PCDHA2: variants seen among roughly 807,000 people sequenced by gnomAD.
PCDHA2 encodes the protein protocadherin alpha 2.
Under a neutral mutation model 66.0 loss-of-function variants are expected in PCDHA2, and 58 were observed. That is an observed-to-expected ratio of 0.88 (90% CI 0.71 to 1.09). The LOEUF (loss-of-function observed/expected upper bound fraction) is 1.09. Among genes scored for constraint, PCDHA2 ranks in the 50% least tolerant of loss-of-function variants. The pLI is 0.00. For missense variants in PCDHA2, 1,267 were observed against 1,242.3 expected, an observed-to-expected ratio of 1.02 and a Z score of -0.30; for synonymous variants, 634 against 554.0, an observed-to-expected ratio of 1.14 and a Z score of -2.03.
At chr5:140,850,158 G>T (rs1189332521) in intron 1 of PCDHA2, 3 of 1,595,230 alleles carry the variant, frequency 1.9e-6, no homozygotes, top group African/African-American at 2.7e-5. Flanking sequence ...GCAGGTGTTC[G>T]TGCTGGACGA....
rs2150350021 is a variant in PCDHA2 at position 140,843,009 on chromosome 5, C to G, written c.2388+45657C>G. The G allele has an allele frequency of 1.9e-6, 3 of 1,595,058 alleles. 1 individual carries two copies. Among genetic ancestry groups the G allele is most frequent in the Non-Finnish European group, 2.6e-6 (3 of 1,165,480 alleles). Reference sequence around the variant, plus strand: ...GTGCTGGACGAGAATGACAACGCGCCGGCACTGCTGGAGCCTCGGGTGGGT... The same window carrying G: ...GTGCTGGACGAGAATGACAACGCGCGGGCACTGCTGGAGCCTCGGGTGGGT... On this transcript the variant is annotated intron_variant, in intron 1 of 3. Coordinates refer to ENST00000526136, the MANE Select transcript of PCDHA2 (RefSeq NM_018905.3).
chr5:141,007,683 A>G (rs576789056), intron 3 of PCDHA2, among the ~76,000 whole-genome samples: 1 of 152,268 alleles, frequency 6.6e-6, no homozygotes, highest in African/African-American at 2.4e-5. Context: ...AAGTTATCCT[A>G]CTTCCACCTC....
intron 1 of PCDHA2, chr5:140,868,931 G>C: frequency 9.2e-7 from 1 of 1,092,440 alleles, no homozygotes; most frequent in Non-Finnish European, 1.3e-6. Context: ...TCATTTAAAG[G>C]TTGGTCTGAA....
At chr5:140,921,379 T>C (rs1186418255) in intron 1 of PCDHA2, among the ~76,000 whole-genome samples, 1 of 152,180 alleles carries the variant, frequency 6.6e-6, no homozygotes, top group Non-Finnish European at 1.5e-5. Context: ...TTTCTACATA[T>C]TTGATAAACA....
At chr5:140,822,462 C>A in intron 1 of PCDHA2, 1 of 1,613,516 alleles carries the variant, frequency 6.2e-7, no homozygotes, top group South Asian at 1.1e-5. Flanking sequence ...AGTTGTTGAT[C>A]AATGTATTGG....
In PCDHA2 at chr5:140,850,578, G is replaced by A. The variant is rs1554144523; in HGVS notation, c.2388+53226G>A. ...CACGGGCCCCGAGGTGACGCTGGTG[G>A]ATGTCAACGTGTACCTGATCATCGC... On this transcript the variant is annotated intron_variant, in intron 1 of 3. Transcript: ENST00000526136. 1.4e-5 allele frequency: 23 copies of A among 1,598,460 alleles called. 2 individuals carry two copies. Among genetic ancestry groups the A allele is most frequent in the Non-Finnish European group, 2.0e-5 (23 of 1,167,876 alleles).
At chr5:140,817,338 C>T (rs1289238109) in intron 1 of PCDHA2, 1 of 152,250 alleles carries the variant, frequency 6.6e-6, no homozygotes, top group Non-Finnish European at 1.5e-5. Flanking sequence ...TTTACACTTG[C>T]TTGGAGCCCA....
At chr5:140,869,722 G>C in intron 1 of PCDHA2, 6 of 1,613,324 alleles carry the variant, frequency 3.7e-6, no homozygotes, top group Non-Finnish European at 5.1e-6. Context: ...GAAAACTCCG[G>C]AACTTAATTT....
chr5:141,000,421 A>T (rs4912737), intron 3 of PCDHA2, among the ~76,000 whole-genome samples: 2,503 of 28,048 alleles, frequency 0.089, 337 homozygotes, highest in East Asian at 0.098. Flanking sequence ...ATATATATAT[A>T]TTTTTTTTTT....
At chr5:140,863,300 C>G (rs1554158081) in intron 1 of PCDHA2, 16 of 1,463,970 alleles carry the variant, frequency 1.1e-5, no homozygotes, top group Non-Finnish European at 1.5e-5. Context: ...CTGATCATCG[C>G]CATCTGCGTG....
intron 1 of PCDHA2, among the ~76,000 whole-genome samples, chr5:140,910,787 T>G (rs566298433): frequency 2.0e-5 from 3 of 152,196 alleles, no homozygotes; most frequent in Non-Finnish European, 4.4e-5. Flanking sequence ...CAACATTAAA[T>G]GCAGAATCCC....
At position 140,927,248 on chromosome 5, in the gene PCDHA2, A is replaced by T. The variant is rs572200211; in HGVS notation, c.2389-51701A>T. On this transcript the variant is annotated intron_variant, in intron 1 of 3. Transcript: ENST00000526136. The stretch of plus-strand genomic sequence containing the variant: ...CGGATTCACGTCCTGGACACCAATG[A>T]CAACTCACCTCTCTTTCCTGCCGGC... 3.5e-5 allele frequency: 56 copies of T among 1,614,064 alleles called. No homozygotes were observed. The South Asian group carries it at 5.7e-4, about 16-fold the overall frequency.
intron 1 of PCDHA2, chr5:140,823,932 G>A (rs782682917): frequency 2.5e-6 from 4 of 1,613,862 alleles, no homozygotes; most frequent in South Asian, 2.2e-5. Flanking sequence ...TGTACACCGC[G>A]CTGCGGTGCT....
At chr5:140,944,166 G>A (rs1483002893) in intron 1 of PCDHA2, among the ~76,000 whole-genome samples, 1 of 152,024 alleles carries the variant, frequency 6.6e-6, no homozygotes, top group Non-Finnish European at 1.5e-5. Context: ...AAAGGGCCAA[G>A]GCTGGTTTTT....
intron 1 of PCDHA2, among the ~76,000 whole-genome samples, chr5:140,920,659 C>T (rs1325541731): frequency 1.3e-5 from 2 of 152,098 alleles, no homozygotes; most frequent in East Asian, 3.9e-4. Flanking sequence ...TCCTTGCCAA[C>T]ATGGTGAAAC....
chr5:140,853,510 A>T, intron 1 of PCDHA2: 1 of 977,306 alleles, frequency 1.0e-6, no homozygotes, highest in Non-Finnish European at 1.2e-6. Context: ...TGAAACAATA[A>T]TGAAGCTCCT....
chr5:140,848,477 A>G (rs1473834306), intron 1 of PCDHA2: 1 of 1,563,760 alleles, frequency 6.4e-7, no homozygotes, highest in Non-Finnish European at 8.7e-7. Context: ...ACTAATTAGA[A>G]GAAGACTGAG....
chr5:140,884,247 CG>C (rs1220799816), intron 1 of PCDHA2: 1 of 1,613,280 alleles, frequency 6.2e-7, no homozygotes, highest in Non-Finnish European at 8.5e-7. Flanking sequence ...CCCGCGCTGA[CG>C]GCCACGGCAA....
chr5:140,997,958 G>A (rs890356748), intron 3 of PCDHA2, among the ~76,000 whole-genome samples: 3 of 152,126 alleles, frequency 2.0e-5, no homozygotes, highest in Non-Finnish European at 2.9e-5. Context: ...TGGCATTCAC[G>A]TACCTGTGGT....
Sources: gnomAD v4.1 joint callset for allele counts (sites outside exome capture counted in the v4.1 genomes callset) on GRCh38, gnomAD v4.1.1 for gene constraint, MANE v1.5 for transcripts, NCBI Gene and HGNC (gene_info 2026-07-23, HGNC 2026-07-21) for gene names.